Variants in ASIC2 observed in about 807,000 individuals in gnomAD.
ASIC2 encodes the protein acid sensing ion channel subunit 2.
ASIC2 carries 25 observed loss-of-function variants against 57.3 expected under a neutral mutation model. That is an observed-to-expected ratio of 0.44 (90% CI 0.32 to 0.61). ASIC2 has a LOEUF of 0.61. ASIC2 is among the 20% of genes least tolerant of loss of function. The pLI is 0.06. For missense variants in ASIC2, 641 were observed against 738.1 expected (o/e 0.87, Z 1.52); for synonymous variants, 319 against 307.5 (o/e 1.04, Z -0.39).
intron 2 of ASIC2, among the ~76,000 whole-genome samples, chr17:33,105,691 A>G (rs1263442104): frequency 6.6e-6 from 1 of 152,182 alleles, no homozygotes; most frequent in African/African-American, 2.4e-5. Context: ...AGAAGACAGG[A>G]AGATGGGGGA....
At chr17:33,418,781 G>C (rs1007705425) in intron 1 of ASIC2, among the ~76,000 whole-genome samples, 1 of 152,138 alleles carries the variant, frequency 6.6e-6, no homozygotes, top group South Asian at 2.1e-4. Flanking sequence ...CATAAAAAAG[G>C]ATGAGTTCGT....
chr17:33,701,349 C>T (rs573113933), intron 1 of ASIC2, among the ~76,000 whole-genome samples: 1 of 152,166 alleles, frequency 6.6e-6, no homozygotes, highest in South Asian at 2.1e-4. Flanking sequence ...ATTGGCCAAG[C>T]CTTGGATCAT....
chr17:33,898,440 G>A (rs1039078098), intron 1 of ASIC2, among the ~76,000 whole-genome samples: 5 of 151,738 alleles, frequency 3.3e-5, no homozygotes, highest in African/African-American at 1.2e-4. Context: ...GTTTCACCAT[G>A]TTAGCCAGGA....
chr17:34,003,098 C>T (rs1037570421), intron 1 of ASIC2: 4 of 152,146 alleles, frequency 2.6e-5, no homozygotes, highest in Non-Finnish European at 5.9e-5. Flanking sequence ...CAGAAATGTT[C>T]CAATACGACA....
intron 1 of ASIC2, among the ~76,000 whole-genome samples, chr17:33,396,210 G>C (rs1332814042): frequency 6.6e-6 from 1 of 152,194 alleles, no homozygotes; most frequent in Non-Finnish European, 1.5e-5. Context: ...AGGATGTGTA[G>C]CAAGAAGCTC....
At chr17:33,962,550 T>TG (rs1382095104) in intron 1 of ASIC2, among the ~76,000 whole-genome samples, 1 of 152,048 alleles carries the variant, frequency 6.6e-6, no homozygotes, top group Non-Finnish European at 1.5e-5. Context: ...GTGTAGAATG[T>TG]GGGATGTCTC....
At chr17:34,126,511 G>A (rs180834547) in intron 1 of ASIC2, among the ~76,000 whole-genome samples, 2 of 152,176 alleles carry the variant, frequency 1.3e-5, no homozygotes, top group African/African-American at 2.4e-5. Flanking sequence ...CCTCAGTCCT[G>A]TACGGCAACA....
chr17:33,478,056 G>A (rs562208640), intron 1 of ASIC2, among the ~76,000 whole-genome samples: 111 of 152,304 alleles, frequency 7.3e-4, no homozygotes, highest in Non-Finnish European at 1.4e-3. Flanking sequence ...AGAATCTTTT[G>A]CCAAATGCCT....
At chr17:33,673,344 T>G (rs765031066) in intron 1 of ASIC2, among the ~76,000 whole-genome samples, 31 of 152,174 alleles carry the variant, frequency 2.0e-4, no homozygotes, top group Non-Finnish European at 4.1e-4. Flanking sequence ...GGCTTTCTCT[T>G]TGGGTGAGAA....
At chr17:33,722,950 T>G (rs1052478030) in intron 1 of ASIC2, among the ~76,000 whole-genome samples, 2 of 152,190 alleles carry the variant, frequency 1.3e-5, no homozygotes, top group Non-Finnish European at 2.9e-5. Flanking sequence ...ATGAAGCCAA[T>G]GAAACTTTCA....
At chr17:34,099,674 A>C (rs1910754678) in intron 1 of ASIC2, among the ~76,000 whole-genome samples, 1 of 149,492 alleles carries the variant, frequency 6.7e-6, no homozygotes, top group Non-Finnish European at 1.5e-5. Flanking sequence ...GAAAGAAAGA[A>C]AGAAAGAAAA....
chr17:33,861,910 C>T (rs888086551), intron 1 of ASIC2, among the ~76,000 whole-genome samples: 6 of 152,048 alleles, frequency 3.9e-5, no homozygotes, highest in Admixed American at 6.6e-5. Flanking sequence ...GGTGGGAGAC[C>T]GTGGCAAATA....
At chr17:34,050,817 C>A (rs184182631) in intron 1 of ASIC2, among the ~76,000 whole-genome samples, 1 of 152,118 alleles carries the variant, frequency 6.6e-6, no homozygotes, top group Non-Finnish European at 1.5e-5. Context: ...CAGAGGAAGA[C>A]AAAAGGAGCA....
chr17:33,115,082 G>A (rs998123802), intron 1 of ASIC2, among the ~76,000 whole-genome samples: 2 of 152,180 alleles, frequency 1.3e-5, no homozygotes, highest in South Asian at 2.1e-4. Flanking sequence ...ATCCTTGACT[G>A]CCTCCTTGCT....
At chr17:33,062,769 G>T (rs2092026229) in intron 3 of ASIC2, among the ~76,000 whole-genome samples, 1 of 152,310 alleles carries the variant, frequency 6.6e-6, no homozygotes, top group East Asian at 1.9e-4. Context: ...GGGTGTTAAA[G>T]TCTCCCATTA....
At chr17:34,028,456 C>T (rs536419042) in intron 1 of ASIC2, among the ~76,000 whole-genome samples, 1 of 152,212 alleles carries the variant, frequency 6.6e-6, no homozygotes, top group African/African-American at 2.4e-5. Flanking sequence ...GAGCTCCACA[C>T]TCAAATGAGT....
intron 1 of ASIC2, among the ~76,000 whole-genome samples, chr17:33,923,072 C>A (rs942653855): frequency 6.6e-6 from 1 of 152,156 alleles, no homozygotes; most frequent in Non-Finnish European, 1.5e-5. Context: ...ACCCAGCAAA[C>A]AGGAAAGCAA....
chr17:33,962,335 C>T (rs1460277942), intron 1 of ASIC2, among the ~76,000 whole-genome samples: 2 of 152,046 alleles, frequency 1.3e-5, no homozygotes, highest in Non-Finnish European at 2.9e-5. Flanking sequence ...GAGGTGACAT[C>T]GGAATAGAGT....
At chr17:33,211,536 GAAA>G (rs10717410) in intron 1 of ASIC2, among the ~76,000 whole-genome samples, 109 of 126,698 alleles carry the variant, frequency 8.6e-4, no homozygotes, top group African/African-American at 2.6e-3. Flanking sequence ...CTCTTTAAAT[GAAA>G]AAAAAAAAAA....
Sources: allele counts gnomAD v4.1 joint callset (sites outside exome capture counted in the v4.1 genomes callset), GRCh38; gene constraint gnomAD v4.1.1; transcripts MANE v1.5; gene names NCBI Gene and HGNC (gene_info 2026-07-23, HGNC 2026-07-21).